Variants in RNF44 observed in about 807,000 individuals in gnomAD.
RNF44 encodes the protein ring finger protein 44.
RNF44 carries 25 observed loss-of-function variants against 53.6 expected under a neutral mutation model. The ratio of observed to expected loss-of-function variants is 0.47; its 90% CI spans 0.34 to 0.65. The LOEUF is 0.65. RNF44 is among the 30% of genes least tolerant of loss of function. The pLI is 0.01. For synonymous variants in RNF44, 282 were observed against 252.2 expected (o/e 1.12, Z -1.12); for missense variants, 581 against 595.5 (o/e 0.98, Z 0.25).
upstream of RNF44, among the ~76,000 whole-genome samples, chr5:176,539,329 A>G (rs1221502811): frequency 4.6e-5 from 7 of 152,234 alleles, no homozygotes; most frequent in Admixed American, 4.6e-4. Flanking sequence ...CTTATCATCA[A>G]CTGTTCCTTT....
In RNF44 at chr5:176,535,744, CCA is replaced by C. The variant is rs376180470; in HGVS notation, c.-45+1194_-45+1195del. Among the ~76,000 whole-genome samples the C allele has an allele frequency of 3.8e-3, 573 of 152,230 alleles. 11 individuals are homozygous for C. The highest frequency in any genetic ancestry group is 0.013 in the African/African-American group (555 of 41,528). Reference sequence around the variant, plus strand: ...TGTAGTACAGAGAAGCAAGCAAGGCCCAGAGTTGGAGCTAGCAACTTGCTCAA... The same window carrying C: ...TGTAGTACAGAGAAGCAAGCAAGGCCGAGTTGGAGCTAGCAACTTGCTCAA... On this transcript the variant is annotated intron_variant, in intron 1 of 10. Transcript: ENST00000274811.
chr5:176,532,145 G>A lies in RNF44; in HGVS notation c.156C>T (p.Arg52=), dbSNP rs1398105810. The change falls in exon 3 of 11, where the codon CGC becomes CGT. Residue 52 remains arginine, a synonymous_variant. Transcript: ENST00000274811. ...GGGACGGCGGCTGCTGGGAGGGTAA[G>A]CGCTCATCCCGGGCAGGCGGGCTGG... The part of the protein sequence containing the change: ...PLASPPARDE[R]LPSQQPPSRP... 2.5e-6 allele frequency: 4 copies of A among 1,571,674 alleles called. No individual in the cohort carries two copies. Among genetic ancestry groups the A allele is most frequent in the Non-Finnish European group, 3.4e-6 (4 of 1,161,290 alleles).
chr5:176,529,780 G>A lies in RNF44; in HGVS notation c.965C>T (p.Thr322Ile), dbSNP rs375165781. ...ATCCACGTCCAGGTCCAGGCTGATG[G>A]TGGGCCCCATTGCTGTTGGTGACAT... Reference protein sequence around the residue: ...LPMSPTAMGPTISLDLDVDDV... With the variant: ...LPMSPTAMGPIISLDLDVDDV... Residue 322 changes from threonine (T) to isoleucine (I), a missense_variant, in exon 8 of 11, where the codon ACC becomes ATC. Physicochemically the swap from Thr to Ile is moderately conservative, Grantham distance 89. Transcript: ENST00000274811. 5 of 1,611,270 alleles carry A rather than the reference G, an allele frequency of 3.1e-6. No individual in the cohort carries two copies. Among genetic ancestry groups the A allele is most frequent in the Non-Finnish European group, 4.2e-6 (5 of 1,178,660 alleles).
upstream of RNF44, among the ~76,000 whole-genome samples, chr5:176,541,732 G>T (rs759886258): frequency 6.6e-6 from 1 of 152,090 alleles, no homozygotes; most frequent in Non-Finnish European, 1.5e-5. Context: ...TCTCTCCCTC[G>T]GAGTCAGAAA....
At chr5:176,529,240 C>T (rs1756329341) in intron 10 of RNF44, 48 bp downstream of exon 10, 5 of 1,574,640 alleles carry the variant, frequency 3.2e-6, no homozygotes, top group African/African-American at 1.3e-5. Flanking sequence ...AGCCCATCCC[C>T]CCGTCACTGC....
chr5:176,535,534 G>A (rs1179171690), intron 1 of RNF44, among the ~76,000 whole-genome samples: 1 of 152,168 alleles, frequency 6.6e-6, no homozygotes, highest in African/African-American at 2.4e-5. Flanking sequence ...GAGAAAGGAA[G>A]TAAGTTACTC....
intron 1 of RNF44, among the ~76,000 whole-genome samples, chr5:176,536,491 G>A (rs1368913268): frequency 6.6e-6 from 1 of 152,166 alleles, no homozygotes; most frequent in Non-Finnish European, 1.5e-5. Flanking sequence ...GCATAGTGCT[G>A]GGGGGCCGAG....
intron 1 of RNF44, chr5:176,536,144 A>G (rs1204911846): frequency 6.6e-6 from 1 of 152,092 alleles, no homozygotes; most frequent in Admixed American, 6.5e-5. Context: ...CCCACCCGAA[A>G]CAAGCAGGCT....
Position 176,531,314 on chromosome 5 carries a change from T to C in RNF44, c.465+149A>G. On this transcript the variant is annotated intron_variant, in intron 4 of 10. Transcript: ENST00000274811. This position sits in a 1 kb window ranked among gnomAD's most constrained non-coding sequence, Gnocchi z 4.2. ...CTATTACCAAATGTGAACACGCGTA[T>C]GCTTTCCTGGGGAGGCCAGGCAGGC... The C allele has an allele frequency of 1.3e-6, 1 of 745,082 alleles. No homozygotes were observed. The highest frequency in any genetic ancestry group is 2.1e-6 in the Non-Finnish European group (1 of 467,302). 46.2% of individuals were successfully genotyped at this position (745,082 alleles called of 1,614,324 possible). A position where few individuals can be genotyped will look rare whatever the true frequency, so the allele number is the denominator to read the frequency against.
upstream of RNF44, among the ~76,000 whole-genome samples, chr5:176,542,256 G>A (rs1446855447): frequency 1.3e-5 from 2 of 152,174 alleles, no homozygotes; most frequent in African/African-American, 4.8e-5. Flanking sequence ...AGGCCAGCCT[G>A]CCCTGCCTCT....
upstream of RNF44, chr5:176,537,661 G>T (rs1757319398): frequency 6.6e-6 from 1 of 152,178 alleles, no homozygotes; most frequent in Non-Finnish European, 1.5e-5. Context: ...CTAACTACTC[G>T]CGCCTCTGAG....
chr5:176,529,468 G>C, intron 9 of RNF44, 55 bp downstream of exon 9: 1 of 1,608,408 alleles, frequency 6.2e-7, no homozygotes, highest in Non-Finnish European at 8.5e-7. Flanking sequence ...TGAGAGGGGC[G>C]TCCCACGGCA....
In RNF44 at chr5:176,529,877, C is replaced by T. The variant is rs892835715; in HGVS notation, c.927-59G>A. On this transcript the variant is annotated intron_variant, in intron 7 of 10. Transcript: ENST00000274811. ...AGGTCAGGAGTGGGGCACACAGAGC[C>T]GCTCTCCTGACTCCCTCCTTGCAAA... 30 of 1,472,118 alleles carry T rather than the reference C, an allele frequency of 2.0e-5. No homozygotes were observed. In the East Asian group the frequency reaches 2.1e-4, roughly 10 times the overall value. The allele number at this position is 1,472,118 out of a possible 1,614,324, so 91.2% of individuals were successfully genotyped here.
At chr5:176,536,345 A>T (rs377401149) in intron 1 of RNF44, 3 of 152,428 alleles carry the variant, frequency 2.0e-5, no homozygotes, top group African/African-American at 7.2e-5. Flanking sequence ...AAATAAAACC[A>T]GAAGAGTCCA....
chr5:176,529,153 C>T (rs771847464), intron 10 of RNF44, 63 bp from the exon 11 acceptor site: 1 of 1,595,398 alleles, frequency 6.3e-7, no homozygotes, highest in South Asian at 1.1e-5. Flanking sequence ...TCTGTGCAGC[C>T]ACCTGGGGGG....
Position 176,531,060 on chromosome 5 carries a change from T to C in RNF44, c.466-39A>G, listed in dbSNP as rs1756614312. 22 of 1,402,490 alleles carry C rather than the reference T, an allele frequency of 1.6e-5. No homozygotes were observed. The highest frequency in any genetic ancestry group is 2.1e-5 in the Non-Finnish European group (22 of 1,069,878). 86.9% of individuals were successfully genotyped at this position (1,402,490 alleles called of 1,614,324 possible). Reference sequence around the variant, plus strand: ...GGGCAGGGGGCTGAGAACGTTCTCCTGGGCTCTGGGCCAGGTCTACGCCAT... The same window carrying C: ...GGGCAGGGGGCTGAGAACGTTCTCCCGGGCTCTGGGCCAGGTCTACGCCAT... On this transcript the variant is annotated intron_variant, in intron 4 of 10. Coordinates refer to ENST00000274811, the MANE Select transcript of RNF44 (RefSeq NM_014901.5). The surrounding 1 kb of genome is among the most constrained non-coding windows in gnomAD (Gnocchi z 4.2).
chr5:176,529,190 C>G (rs763774380), intron 10 of RNF44, 98 bp downstream of exon 10: 2 of 1,555,598 alleles, frequency 1.3e-6, no homozygotes, highest in Admixed American at 1.7e-5. Flanking sequence ...CCAGAACTTC[C>G]GAGATGATGA....
upstream of RNF44, among the ~76,000 whole-genome samples, chr5:176,540,404 G>A (rs938818041): frequency 6.6e-6 from 1 of 152,304 alleles, no homozygotes; most frequent in East Asian, 1.9e-4. Context: ...GCTTCTGACT[G>A]TGGCATTCTC....
chr5:176,540,002 G>A (rs79849316), upstream of RNF44, among the ~76,000 whole-genome samples: 459 of 152,238 alleles, frequency 3.0e-3, 3 homozygotes, highest in African/African-American at 0.01. Flanking sequence ...ACTTTTCGGC[G>A]GTTTGAAGCT....
Sources: gnomAD v4.1 joint callset for allele counts (sites outside exome capture counted in the v4.1 genomes callset) on GRCh38, gnomAD v4.1.1 for gene constraint, Gnocchi (gnomAD v3.1) non-coding constraint, MANE v1.5 for transcripts, NCBI Gene and HGNC (gene_info 2026-07-23, HGNC 2026-07-21) for gene names.